Variants in KCNG2 observed in about 807,000 individuals in gnomAD.
The protein encoded by KCNG2 is potassium voltage-gated channel modifier subfamily G member 2, also known as voltage-gated potassium channel regulatory subunit KCNG2.
In KCNG2, 7 loss-of-function variants were observed where a neutral mutation model predicts 12.3. The observed-to-expected ratio is 0.57, with a 90% CI of 0.32 to 1.07. KCNG2 has a LOEUF of 1.07. Among genes scored for constraint, KCNG2 ranks in the 50% least tolerant of loss-of-function variants. The pLI is 0.04. For missense variants in KCNG2, 703 were observed against 726.0 expected (o/e 0.97, Z 0.36); for synonymous variants, 414 against 351.4 (o/e 1.18, Z -1.99).
intron 1 of KCNG2, among the ~76,000 whole-genome samples, chr18:79,844,910 A>G (rs1396684089): frequency 6.6e-6 from 1 of 152,248 alleles, no homozygotes; most frequent in Non-Finnish European, 1.5e-5. Flanking sequence ...GAATTTTATC[A>G]AAAGTAAAAC....
At chr18:79,827,048 T>C (rs2123015509) in intron 1 of KCNG2, among the ~76,000 whole-genome samples, 1 of 152,386 alleles carries the variant, frequency 6.6e-6, no homozygotes, top group South Asian at 2.1e-4. Flanking sequence ...TGTGAGGACG[T>C]GGCGTCCCCG....
chr18:79,856,210 A>T (rs1420010781), intron 1 of KCNG2, among the ~76,000 whole-genome samples, 169 bp from the exon 2 acceptor site: 2 of 152,216 alleles, frequency 1.3e-5, no homozygotes, highest in African/African-American at 2.4e-5. Context: ...CCTACAAAAA[A>T]ATGGAGCATG....
At chr18:79,814,648 T>C (rs2087515631) in intron 1 of KCNG2, among the ~76,000 whole-genome samples, 1 of 152,188 alleles carries the variant, frequency 6.6e-6, no homozygotes, top group African/African-American at 2.4e-5. Context: ...GGCGGTGAGA[T>C]TGTACTGCAG....
Position 79,855,523 on chromosome 18 carries a change from G to A in KCNG2, c.-114-856G>A, listed in dbSNP as rs538781381. 7.9e-5 allele frequency among the ~76,000 whole-genome samples: 12 copies of A among 152,142 alleles called. No homozygotes were observed. In the South Asian group the frequency reaches 1.9e-3, roughly 24 times the overall value. ...CACTGGCCTGCGACCACCTTTGTGC[G>A]TGATCATGTCTTGGCTGTATCACCC... On this transcript the variant is annotated intron_variant, in intron 1 of 3. Coordinates refer to ENST00000316249, the MANE Select transcript of KCNG2 (RefSeq NM_012283.2).
intron 1 of KCNG2, among the ~76,000 whole-genome samples, chr18:79,838,161 C>G (rs1453018517): frequency 1.3e-5 from 2 of 152,086 alleles, no homozygotes; most frequent in African/African-American, 2.4e-5. Context: ...CAGTCACCTC[C>G]CACCAGGTCC....
At chr18:79,856,310 C>G (rs867039417) in intron 1 of KCNG2, among the ~76,000 whole-genome samples, 69 bp from the exon 2 acceptor site, 1 of 152,168 alleles carries the variant, frequency 6.6e-6, no homozygotes, top group East Asian at 1.9e-4. Context: ...GTCAGAGCCA[C>G]GATGCTCCGC....
chr18:79,828,334 C>T (rs1196366969), intron 1 of KCNG2, among the ~76,000 whole-genome samples: 5 of 152,182 alleles, frequency 3.3e-5, no homozygotes, highest in Admixed American at 3.3e-4. Context: ...GCATGTCTGC[C>T]TGTGTCAGTG....
chr18:79,897,504 T>G (rs1393005653), intron 3 of KCNG2, among the ~76,000 whole-genome samples: 5 of 152,234 alleles, frequency 3.3e-5, no homozygotes, highest in African/African-American at 9.6e-5. Context: ...TGTGAACATA[T>G]TGATAGTGGC....
At chr18:79,824,523 T>G (rs2054354252) in intron 1 of KCNG2, among the ~76,000 whole-genome samples, 1 of 152,242 alleles carries the variant, frequency 6.6e-6, no homozygotes, top group Non-Finnish European at 1.5e-5. Flanking sequence ...CTAGTTTTAT[T>G]CATTAATACC....
chr18:79,854,005 G>T (rs1252987383), intron 1 of KCNG2, among the ~76,000 whole-genome samples: 5 of 152,256 alleles, frequency 3.3e-5, no homozygotes, highest in Admixed American at 1.3e-4. Context: ...CCACGCATGG[G>T]AGGAATGAGC....
At chr18:79,892,325 G>A (rs980827845) in intron 3 of KCNG2, among the ~76,000 whole-genome samples, 4 of 152,102 alleles carry the variant, frequency 2.6e-5, no homozygotes, top group African/African-American at 4.8e-5. Flanking sequence ...TTGTTTTAAC[G>A]TCTACTTTGT....
chr18:79,806,227 C>T (rs961645339), intron 1 of KCNG2, among the ~76,000 whole-genome samples: 1 of 152,034 alleles, frequency 6.6e-6, no homozygotes, highest in East Asian at 1.9e-4. Flanking sequence ...GCAAGGCCGT[C>T]GTGCTGGGGG....
intron 2 of KCNG2, among the ~76,000 whole-genome samples, chr18:79,857,591 G>T (rs546467340): frequency 6.6e-6 from 1 of 151,764 alleles, no homozygotes; most frequent in African/African-American, 2.4e-5. Context: ...CTGACTTGCC[G>T]TAGTGGTGGG....
At chr18:79,846,714 A>G (rs1463838017) in intron 1 of KCNG2, among the ~76,000 whole-genome samples, 1 of 152,216 alleles carries the variant, frequency 6.6e-6, no homozygotes, top group African/African-American at 2.4e-5. Flanking sequence ...AGTTAGATAC[A>G]TTGTATTTTA....
intron 1 of KCNG2, among the ~76,000 whole-genome samples, chr18:79,836,193 C>T (rs944639170): frequency 4.6e-5 from 7 of 152,150 alleles, no homozygotes; most frequent in Admixed American, 1.3e-4. Context: ...AAAGATACAT[C>T]GTGTAAACAT....
At chr18:79,893,290 A>C (rs1468638901) in intron 3 of KCNG2, among the ~76,000 whole-genome samples, 2 of 149,996 alleles carry the variant, frequency 1.3e-5, no homozygotes, top group African/African-American at 5.0e-5. Context: ...ATAACGATTG[A>C]GATAGTTGGG....
chr18:79,803,586 C>T lies in KCNG2; in HGVS notation c.-115+5572C>T, dbSNP rs923444334. Among the ~76,000 whole-genome samples, 1 of 152,170 alleles carries T rather than the reference C, an allele frequency of 6.6e-6. No individual in the cohort carries two copies. The highest frequency in any genetic ancestry group is 1.5e-5 in the Non-Finnish European group (1 of 68,028). On this transcript the variant is annotated intron_variant, in intron 1 of 3. Coordinates refer to ENST00000316249, the MANE Select transcript of KCNG2 (RefSeq NM_012283.2). The surrounding 1 kb of genome is among the most constrained non-coding windows in gnomAD (Gnocchi z 4.5). ...GGCCTGTGATTCTGGGGGCTCCGAT[C>T]GTGTTTCTTCCCTGAGAACCTGCAG...
At chr18:79,875,623 C>T (rs1033787065) in intron 3 of KCNG2, among the ~76,000 whole-genome samples, 20 of 152,134 alleles carry the variant, frequency 1.3e-4, no homozygotes, top group African/African-American at 3.6e-4. Flanking sequence ...CAGACCTTCC[C>T]GCCCTACACG....
At chr18:79,801,082 G>C (rs1269525697) in intron 1 of KCNG2, among the ~76,000 whole-genome samples, 4 of 152,208 alleles carry the variant, frequency 2.6e-5, no homozygotes, top group African/African-American at 9.6e-5. Flanking sequence ...GCCGGGCAGG[G>C]CTTTAACTGC....
Sources: gnomAD v4.1 joint callset for allele counts (sites outside exome capture counted in the v4.1 genomes callset) on GRCh38, gnomAD v4.1.1 for gene constraint, Gnocchi (gnomAD v3.1) non-coding constraint, MANE v1.5 for transcripts, NCBI Gene and HGNC (gene_info 2026-07-23, HGNC 2026-07-21) for gene names.